DOK6: variants seen among roughly 807,000 people sequenced by gnomAD.
The protein encoded by DOK6 is docking protein 6, also known as downstream of tyrosine kinase 6.
DOK6 carries 22 observed loss-of-function variants against 44.0 expected under a neutral mutation model. The ratio of observed to expected loss-of-function variants is 0.50; its 90% CI spans 0.36 to 0.71. The LOEUF is 0.71. DOK6 is among the 30% of genes least tolerant of loss of function. DOK6 has a pLI of 0.00. For synonymous variants in DOK6, 166 were observed against 145.5 expected, an observed-to-expected ratio of 1.14 and a Z score of -1.01; for missense variants, 340 against 416.4, an observed-to-expected ratio of 0.82 and a Z score of 1.60.
chr18:69,834,603 CACATTCTAT>C (rs1171162562), intron 7 of DOK6, among the ~76,000 whole-genome samples: 1 of 152,154 alleles, frequency 6.6e-6, no homozygotes, highest in Non-Finnish European at 1.5e-5. Flanking sequence ...TTGATCATTA[CACATTCTAT>C]ACATGTTTCA....
chr18:69,711,736 T>G (rs564829454), intron 5 of DOK6, among the ~76,000 whole-genome samples: 34 of 152,320 alleles, frequency 2.2e-4, no homozygotes, highest in Admixed American at 5.9e-4. Flanking sequence ...TGCCAAATAG[T>G]TAATTTTATC....
intron 5 of DOK6, among the ~76,000 whole-genome samples, chr18:69,723,422 G>C (rs1978292483): frequency 6.6e-6 from 1 of 152,186 alleles, no homozygotes; most frequent in Non-Finnish European, 1.5e-5. Flanking sequence ...TTTACCAGGG[G>C]AAGCAGTTTT....
At chr18:69,630,119 T>A (rs1599231085) in intron 3 of DOK6, among the ~76,000 whole-genome samples, 1 of 152,194 alleles carries the variant, frequency 6.6e-6, no homozygotes, top group South Asian at 2.1e-4. Flanking sequence ...GATGGTAGTT[T>A]TTTTTAACAA....
intron 3 of DOK6, among the ~76,000 whole-genome samples, chr18:69,612,433 G>GTGTGCGAGGGCGCATT (rs1984171901): frequency 6.8e-6 from 1 of 147,530 alleles, no homozygotes; most frequent in Admixed American, 6.7e-5. Flanking sequence ...GAGGGCGCAT[G>GTGTGCGAGGGCGCATT]TGTGCGAGGG....
At chr18:69,802,792 A>G (rs1371194708) in intron 7 of DOK6, among the ~76,000 whole-genome samples, 5 of 152,202 alleles carry the variant, frequency 3.3e-5, no homozygotes, top group Non-Finnish European at 5.9e-5. Context: ...TGCTGGCACC[A>G]TGCTTGTACA....
chr18:69,661,240 GTC>G (rs1985518336), intron 3 of DOK6: 1 of 152,174 alleles, frequency 6.6e-6, no homozygotes, highest in East Asian at 1.9e-4. Context: ...TTTCATAGGT[GTC>G]TCTCTTTTCT....
At chr18:69,691,885 A>T (rs1455738482) in intron 4 of DOK6, among the ~76,000 whole-genome samples, 1 of 152,142 alleles carries the variant, frequency 6.6e-6, no homozygotes, top group Non-Finnish European at 1.5e-5. Flanking sequence ...CAGGGGAGAT[A>T]TCTGAGGTGT....
At chr18:69,796,697 G>C (rs1370877586) in intron 7 of DOK6, among the ~76,000 whole-genome samples, 2 of 152,216 alleles carry the variant, frequency 1.3e-5, no homozygotes, top group African/African-American at 2.4e-5. Flanking sequence ...ATTAGCTCGT[G>C]TGTACAAATA....
intron 5 of DOK6, among the ~76,000 whole-genome samples, chr18:69,703,421 T>G (rs1986565204): frequency 6.6e-6 from 1 of 152,160 alleles, no homozygotes; most frequent in Non-Finnish European, 1.5e-5. Flanking sequence ...AATGAGCACA[T>G]AGTGTACTTG....
chr18:69,459,642 T>G (rs1338339693), intron 1 of DOK6, among the ~76,000 whole-genome samples: 1 of 152,230 alleles, frequency 6.6e-6, no homozygotes, highest in African/African-American at 2.4e-5. Context: ...TACTGCCTTC[T>G]GTTTCTGTAT....
intron 3 of DOK6, among the ~76,000 whole-genome samples, chr18:69,605,074 C>G (rs973215725): frequency 9.4e-6 from 1 of 106,216 alleles, no homozygotes; most frequent in African/African-American, 4.0e-5. Context: ...GGAGAGATCC[C>G]TTTGTGTGTG....
At chr18:69,611,673 C>T (rs566386046) in intron 3 of DOK6, among the ~76,000 whole-genome samples, 1 of 152,082 alleles carries the variant, frequency 6.6e-6, no homozygotes, top group Admixed American at 6.5e-5. Flanking sequence ...TATGCAGCAG[C>T]CTGGATGAAT....
Position 69,401,208 on chromosome 18 carries a change from G to A in DOK6, c.-37G>A. On this transcript the variant is annotated 5_prime_UTR_variant, in exon 1 of 8. Transcript: ENST00000382713. ...GGACGGCGGCTCTCGACTCCGGAGA[G>A]CGGATCGCGGGGCGCAGGAGCCCGA... 1 of 1,535,936 alleles carries A rather than the reference G, an allele frequency of 6.5e-7. No homozygotes were observed. The highest frequency in any genetic ancestry group is 1.2e-5 in the South Asian group (1 of 83,118).
chr18:69,499,940 T>C (rs1410965789), intron 1 of DOK6, among the ~76,000 whole-genome samples: 1 of 152,198 alleles, frequency 6.6e-6, no homozygotes, highest in East Asian at 1.9e-4. Context: ...ACATTTTTCA[T>C]GACAACCATT....
intron 1 of DOK6, among the ~76,000 whole-genome samples, chr18:69,407,993 G>A (rs1978292107): frequency 6.6e-6 from 1 of 152,122 alleles, no homozygotes. Context: ...AAGTCTTATG[G>A]TAGGATTTCA....
chr18:69,608,064 A>C (rs60857648), intron 3 of DOK6, among the ~76,000 whole-genome samples: 84,313 of 151,970 alleles, frequency 0.55, 24,087 homozygotes, highest in South Asian at 0.74. Flanking sequence ...AAATTGTTAG[A>C]GATATAAAAA....
chr18:69,634,103 C>A (rs1054608138), intron 3 of DOK6, among the ~76,000 whole-genome samples: 1 of 151,970 alleles, frequency 6.6e-6, no homozygotes, highest in Non-Finnish European at 1.5e-5. Flanking sequence ...CATATCCTCT[C>A]CTCTAAAAAA....
chr18:69,703,185 T>C (rs975303257), intron 5 of DOK6, among the ~76,000 whole-genome samples: 4 of 152,236 alleles, frequency 2.6e-5, no homozygotes, highest in African/African-American at 9.6e-5. Context: ...AGGGTTTATA[T>C]AGACCTATGA....
intron 4 of DOK6, among the ~76,000 whole-genome samples, chr18:69,684,859 C>G (rs1986117043): frequency 6.6e-6 from 1 of 152,112 alleles, no homozygotes; most frequent in South Asian, 2.1e-4. Flanking sequence ...GGGTGCTCAA[C>G]TTTTCCTTAG....
Sources: allele counts gnomAD v4.1 joint callset (sites outside exome capture counted in the v4.1 genomes callset), GRCh38; gene constraint gnomAD v4.1.1; transcripts MANE v1.5; gene names NCBI Gene and HGNC (gene_info 2026-07-23, HGNC 2026-07-21).